Variants in MCCC2 observed in about 807,000 individuals in gnomAD.
MCCC2 encodes the protein methylcrotonoyl-CoA carboxylase beta chain, mitochondrial.
A neutral mutation model predicts 77.2 loss-of-function variants in MCCC2; 52 were observed. That is an observed-to-expected ratio of 0.67 (90% confidence interval 0.54 to 0.85). MCCC2 has a LOEUF of 0.85. Among genes scored for constraint, MCCC2 ranks in the 40% least tolerant of loss-of-function variants. MCCC2 has a pLI of 0.00. For missense variants in MCCC2, 682 were observed against 703.2 expected, an observed-to-expected ratio of 0.97 and a Z score of 0.34; for synonymous variants, 253 against 248.4, an observed-to-expected ratio of 1.02 and a Z score of -0.18.
chr5:71,649,538 T>A (rs1184642266), intron 14 of MCCC2, among the ~76,000 whole-genome samples: 1 of 152,210 alleles, frequency 6.6e-6, no homozygotes, highest in Non-Finnish European at 1.5e-5. Flanking sequence ...GAGAAAGGTA[T>A]GTAGCCTTAA....
chr5:71,602,741 A>G (rs1208499360), intron 5 of MCCC2, 108 bp downstream of exon 5: 9 of 1,485,282 alleles, frequency 6.1e-6, no homozygotes, highest in Non-Finnish European at 7.5e-6. Context: ...AAACCTGTTG[A>G]TTTCTCCTGT....
intron 3 of MCCC2, among the ~76,000 whole-genome samples, chr5:71,597,953 G>C (rs558530121): frequency 6.6e-6 from 1 of 152,104 alleles, no homozygotes; most frequent in East Asian, 1.9e-4. Context: ...CTTACTTACT[G>C]TGTAACCTTA....
In MCCC2 at chr5:71,626,685, C is replaced by A; in HGVS notation, c.670C>A (p.Pro224Thr). The A allele has an allele frequency of 6.2e-7, 1 of 1,614,050 alleles. No individual in the cohort carries two copies. The highest frequency in any genetic ancestry group is 8.5e-7 in the Non-Finnish European group (1 of 1,180,014). The change falls in exon 7 of 17, where the codon CCT becomes ACT. Residue 224 changes from proline to threonine, a missense_variant. Transcript: ENST00000340941. ...CTGCACCGCAGGAGGAGCCTATGTG[C>A]CTGCCATGGCTGATGAAAACATCAT... The part of the protein sequence containing the change: ...GSCTAGGAYV[P>T]AMADENIIVR...
chr5:71,599,761 GT>G lies in MCCC2; in HGVS notation c.383+2del, dbSNP rs1745349463. On this transcript the variant is annotated splice_donor_variant, in intron 4 of 16. Transcript: ENST00000340941. LOFTEE classifies it high-confidence loss of function. ...TTACAGGCATTGGAAGAGTATCAGG[GT>G]GAGTATTCTACTTGTGCTTCATAAT... 2 of 1,611,164 alleles carry G rather than the reference GT, an allele frequency of 1.2e-6. No individual in the cohort carries two copies. The highest frequency in any genetic ancestry group is 1.7e-6 in the Non-Finnish European group (2 of 1,177,368).
intron 6 of MCCC2, among the ~76,000 whole-genome samples, chr5:71,623,023 GA>G (rs894025215): frequency 2.0e-5 from 3 of 150,614 alleles, no homozygotes; most frequent in Admixed American, 2.0e-4. Flanking sequence ...CATGAAAAAA[GA>G]AAAAAAAAGT....
chr5:71,602,956 G>A (rs2112322261), intron 5 of MCCC2: 1 of 314,680 alleles, frequency 3.2e-6, no homozygotes, highest in Non-Finnish European at 5.9e-6. Context: ...ATAGTAGCAA[G>A]TATTTATAGA....
chr5:71,644,540 A>C (rs1362090209), intron 12 of MCCC2, among the ~76,000 whole-genome samples: 1 of 152,106 alleles, frequency 6.6e-6, no homozygotes, highest in Non-Finnish European at 1.5e-5. Flanking sequence ...TGGCTTAGTT[A>C]TTATTTGATT....
At position 71,652,583 on chromosome 5, in the gene MCCC2, A is replaced by G. The variant is rs112949370; in HGVS notation, c.1489-86A>G. 142 of 983,712 alleles carry G rather than the reference A, an allele frequency of 1.4e-4. No homozygotes were observed. In the African/African-American group the frequency reaches 1.7e-3, roughly 12 times the overall value. The allele number at this position is 983,712 out of a possible 1,614,324, so 60.9% of individuals were successfully genotyped here. On this transcript the variant is annotated intron_variant, in intron 15 of 16. Coordinates refer to ENST00000340941, the MANE Select transcript of MCCC2 (RefSeq NM_022132.5). ...TAGATGTAACATTATTATTCATGACATCTGTTGTTTCTTTTGAATTGAGAT... is the reference window on the plus strand; with the variant it reads ...TAGATGTAACATTATTATTCATGACGTCTGTTGTTTCTTTTGAATTGAGAT...
intron 7 of MCCC2, among the ~76,000 whole-genome samples, chr5:71,628,004 C>T (rs6864545): frequency 0.028 from 4,316 of 152,016 alleles, 202 homozygotes; most frequent in African/African-American, 0.099. Context: ...CCACCACTCC[C>T]GGCTAATTTT....
intron 6 of MCCC2, among the ~76,000 whole-genome samples, chr5:71,615,486 A>G (rs890312632): frequency 6.6e-6 from 1 of 151,896 alleles, no homozygotes; most frequent in Admixed American, 6.6e-5. Flanking sequence ...GCCAGATCTC[A>G]TTACCTGTCA....
chr5:71,615,976 G>T (rs866971718), intron 6 of MCCC2, among the ~76,000 whole-genome samples: 6 of 152,114 alleles, frequency 3.9e-5, no homozygotes, highest in Non-Finnish European at 5.9e-5. Flanking sequence ...TATCCTTCAG[G>T]GAGGGAGAGG....
At chr5:71,609,764 G>A (rs1745840427) in intron 6 of MCCC2, among the ~76,000 whole-genome samples, 1 of 152,094 alleles carries the variant, frequency 6.6e-6, no homozygotes, top group South Asian at 2.1e-4. Context: ...TGTCCTTTCT[G>A]TTTGTTAGTT....
Position 71,643,874 on chromosome 5 carries a change from C to G in MCCC2, c.1128C>G (p.Leu376=), listed in dbSNP as rs758139797. The G allele has an allele frequency of 2.5e-6, 4 of 1,614,072 alleles. No individual in the cohort carries two copies. The highest frequency in any genetic ancestry group is 1.7e-5 in the Admixed American group (1 of 60,022). ...PVGIVGNNGV[L]FSESAKKGTH... is the part of the protein sequence containing the mutation. The stretch of plus-strand genomic sequence containing the variant: ...GTATCGTTGGAAACAACGGAGTTCT[C>G]TTTTCTGAATCTGCAAAAAAGGCAA... Residue 376 remains leucine (L), a synonymous_variant, in exon 12 of 17, where the codon CTC becomes CTG. Coordinates refer to ENST00000340941, the MANE Select transcript of MCCC2 (RefSeq NM_022132.5).
chr5:71,592,397 A>G lies in MCCC2; in HGVS notation c.130-529A>G, dbSNP rs145504455. Among the ~76,000 whole-genome samples the G allele has an allele frequency of 1.4e-4, 21 of 152,244 alleles. No individual in the cohort carries two copies. In the East Asian group the frequency reaches 4.1e-3, roughly 29 times the overall value. On this transcript the variant is annotated intron_variant, in intron 1 of 16. Transcript: ENST00000340941. ...CTCTGTCCCAAAAAATAAAAATACA[A>G]AATTAAAAATAAAAATAAGATCCTT...
At position 71,604,419 on chromosome 5, in the gene MCCC2, G is replaced by A. The variant is rs771377925; in HGVS notation, c.575G>A (p.Gly192Asp). The A allele has an allele frequency of 6.2e-7, 1 of 1,614,072 alleles. No homozygotes were observed. Among genetic ancestry groups the A allele is most frequent in the East Asian group, 2.2e-5 (1 of 44,882 alleles). Residue 192 changes from glycine (G) to aspartate (D), a missense_variant, in exon 6 of 17, where the codon GGC (glycine) becomes GAC (aspartate). Gly to Asp is a moderately conservative substitution (Grantham distance 94). Transcript: ENST00000340941. ...GTGTTTCCAGATCGAGACCACTTTG[G>A]CCGTACATTCTATAATCAGGCAATT... ...ADVFPDRDHFGRTFYNQAIMS... is the reference protein window; with the variant it reads ...ADVFPDRDHFDRTFYNQAIMS...
intron 6 of MCCC2, among the ~76,000 whole-genome samples, chr5:71,609,067 A>G (rs2112349497): frequency 6.6e-6 from 1 of 152,010 alleles, no homozygotes; most frequent in Admixed American, 6.6e-5. Context: ...CTTCTCGAGG[A>G]GTATCTTTGT....
At chr5:71,613,628 T>A (rs1293817496) in intron 6 of MCCC2, among the ~76,000 whole-genome samples, 3 of 152,072 alleles carry the variant, frequency 2.0e-5, no homozygotes, top group Non-Finnish European at 2.9e-5. Flanking sequence ...CCTAGCTGTT[T>A]GGGAGGCTGA....
intron 6 of MCCC2, among the ~76,000 whole-genome samples, chr5:71,618,959 TTGAA>T (rs1746274937): frequency 6.6e-6 from 1 of 152,220 alleles, no homozygotes; most frequent in African/African-American, 2.4e-5. Flanking sequence ...AGGTTTTTGT[TTGAA>T]TGAACAGTTT....
chr5:71,657,230 G>C lies in MCCC2; in HGVS notation c.*370G>C. On this transcript the variant is annotated 3_prime_UTR_variant, in exon 17 of 17. Transcript: ENST00000340941. ...TTTCACTGAAATGATTGTTTTGCTG[G>C]TTATGCTTGGTGATATTTTAGCGGG... 1 of 237,276 alleles carries C rather than the reference G, an allele frequency of 4.2e-6. No individual in the cohort carries two copies. The highest frequency in any genetic ancestry group is 8.4e-6 in the Non-Finnish European group (1 of 119,532). 14.7% of individuals were successfully genotyped at this position (237,276 alleles called of 1,614,324 possible). A position where few individuals can be genotyped will look rare whatever the true frequency, so the allele number is the denominator to read the frequency against.
Sources: gnomAD v4.1 joint callset for allele counts (sites outside exome capture counted in the v4.1 genomes callset) on GRCh38, gnomAD v4.1.1 for gene constraint, MANE v1.5 for transcripts, NCBI Gene and HGNC (gene_info 2026-07-23, HGNC 2026-07-21) for gene names.